SSX7: variants seen among roughly 807,000 people sequenced by gnomAD.
The protein encoded by SSX7 is SSX family member 7.
Under a neutral mutation model 14.7 loss-of-function variants are expected in SSX7, and 15 were observed. The ratio of observed to expected loss-of-function variants is 1.02; its 90% CI spans 0.68 to 1.58. The LOEUF (loss-of-function observed/expected upper bound fraction) is 1.58, where lower values mean the gene tolerates loss of function less well. Among genes scored for constraint, SSX7 ranks in the 40% most tolerant of loss-of-function variants. The pLI, the probability that SSX7 is intolerant of heterozygous loss-of-function variation, is 0.00. For missense variants in SSX7, 178 were observed against 146.8 expected, an observed-to-expected ratio of 1.21 and a Z score of -1.10; for synonymous variants, 46 against 50.6, an observed-to-expected ratio of 0.91 and a Z score of 0.38.
chrX:52,650,352 C>G lies in SSX7; in HGVS notation c.330+1G>C. ...GTCCTTTAGATCTGAGAGACACTCA[C>G]CTTCGGGAAGATTCTCTGGAGCCTG... On this transcript the variant is annotated splice_donor_variant, in intron 5 of 7. Coordinates refer to ENST00000298181, the MANE Select transcript of SSX7 (RefSeq NM_173358.2). LOFTEE classifies it high-confidence loss of function. 8.3e-7 allele frequency: 1 copy of G among 1,209,822 alleles called. No individual in the cohort carries two copies. The highest frequency in any genetic ancestry group is 1.1e-6 in the Non-Finnish European group (1 of 893,941).
chrX:52,648,494 G>A (rs1925323717), intron 5 of SSX7, 98 bp from the exon 6 acceptor site: 2 of 1,117,188 alleles, frequency 1.8e-6, no homozygotes, highest in Admixed American at 5.1e-5. Flanking sequence ...CTTAATCAAT[G>A]TTCTCAACAA....
At chrX:52,649,306 G>A (rs1556766730) in intron 5 of SSX7, among the ~76,000 whole-genome samples, 1 of 111,709 alleles carries the variant, frequency 9.0e-6, no homozygotes, top group Admixed American at 9.5e-5. Flanking sequence ...TGGGATTACA[G>A]TCGCTAGCCA....
chrX:52,646,073 A>G (rs1215816608), intron 6 of SSX7, among the ~76,000 whole-genome samples: 1 of 110,292 alleles, frequency 9.1e-6, no homozygotes, highest in Non-Finnish European at 1.9e-5. Flanking sequence ...ATTTTATTTT[A>G]TTTTGTTTGA....
At chrX:52,648,890 A>G (rs1925336278) in intron 5 of SSX7, among the ~76,000 whole-genome samples, 1 of 111,724 alleles carries the variant, frequency 9.0e-6, no homozygotes, top group Admixed American at 9.5e-5. Flanking sequence ...AAATTAATCT[A>G]GGCAGCGAAG....
intron 6 of SSX7, among the ~76,000 whole-genome samples, chrX:52,647,824 A>C (rs782625334): frequency 1.8e-5 from 2 of 112,157 alleles, no homozygotes; most frequent in Admixed American, 1.9e-4. Context: ...ACATTATTGC[A>C]GTGGTCTGGA....
Position 52,652,851 on chromosome X carries a change from A to T in SSX7, c.184+19T>A, listed in dbSNP as rs782495775. Reference sequence around the variant, plus strand: ...CTCATGTGTCCCCAGACTTGTCTGTACCTAGAACTTTCTGTTACCTAGTTT... The same window carrying T: ...CTCATGTGTCCCCAGACTTGTCTGTTCCTAGAACTTTCTGTTACCTAGTTT... On this transcript the variant is annotated intron_variant, in intron 3 of 7. Transcript: ENST00000298181. 2 of 1,156,604 alleles carry T rather than the reference A, an allele frequency of 1.7e-6. No homozygotes were observed. The highest frequency in any genetic ancestry group is 2.2e-5 in the Admixed American group (1 of 45,424).
chrX:52,650,311 G>T, intron 5 of SSX7, 42 bp downstream of exon 5: 1 of 1,195,590 alleles, frequency 8.4e-7, no homozygotes, highest in Non-Finnish European at 1.1e-6. Flanking sequence ...ATCCATGGAG[G>T]GACAAAGGTT....
intron 4 of SSX7, 128 bp downstream of exon 4, chrX:52,652,122 AAT>A: frequency 3.9e-6 from 2 of 509,031 alleles, no homozygotes; most frequent in Non-Finnish European, 6.7e-6. Context: ...TTCTGCATGC[AAT>A]TTTTTTTTTT....
intron 6 of SSX7, among the ~76,000 whole-genome samples, chrX:52,647,724 T>C (rs1569172465): frequency 9.0e-6 from 1 of 111,695 alleles, no homozygotes; most frequent in Non-Finnish European, 1.9e-5. Context: ...TTTTTAGACA[T>C]AATGCTATTG....
chrX:52,646,174 C>T (rs1244843180), intron 6 of SSX7, among the ~76,000 whole-genome samples: 1 of 111,907 alleles, frequency 8.9e-6, no homozygotes, highest in Non-Finnish European at 1.9e-5. Flanking sequence ...AGCGATTCTC[C>T]TGCCTCAGCC....
In SSX7 at chrX:52,644,392, G is replaced by T; in HGVS notation, c.*283C>A. 2.5e-6 allele frequency: 1 copy of T among 396,165 alleles called. No homozygotes were observed. Among genetic ancestry groups the T allele is most frequent in the Non-Finnish European group, 4.3e-6 (1 of 232,234 alleles). The allele number at this position is 396,165 out of a possible 1,213,427, so 32.6% of individuals were successfully genotyped here. A position where few individuals can be genotyped will look rare whatever the true frequency, so the allele number is the denominator to read the frequency against. ...TGACTATACTTGCTTTCTGAGGTAG[G>T]TGCATGGATACACAAACCGAAATAC... On this transcript the variant is annotated 3_prime_UTR_variant, in exon 8 of 8. Coordinates refer to ENST00000298181, the MANE Select transcript of SSX7 (RefSeq NM_173358.2).
rs373226565 is a variant in SSX7, at chrX:52,648,358, C to T, written c.369G>A (p.Ser123=). ...PKKPAEEGND[S]KGVPEASGSQ... ...AGCCAGATGCTTCTGGCACTCCCTTCGAATCATTTCCTTCCTCTGCTGGCT... is the reference window on the plus strand; with the variant it reads ...AGCCAGATGCTTCTGGCACTCCCTTTGAATCATTTCCTTCCTCTGCTGGCT... Residue 123 remains serine (S), a synonymous_variant, in exon 6 of 8, where the codon TCG becomes TCA. Coordinates refer to ENST00000298181, the MANE Select transcript of SSX7 (RefSeq NM_173358.2). 364 of 1,210,137 alleles carry T rather than the reference C, an allele frequency of 3.0e-4. No homozygotes were observed. Among genetic ancestry groups the T allele is most frequent in the Non-Finnish European group, 4.0e-4 (356 of 895,283 alleles).
At chrX:52,645,266 G>A (rs1925201321) in intron 7 of SSX7, among the ~76,000 whole-genome samples, 173 bp downstream of exon 7, 1 of 99,005 alleles carries the variant, frequency 1.0e-5, no homozygotes, top group Non-Finnish European at 2.0e-5. Flanking sequence ...GGGCGAATCC[G>A]TCAAAAAAAA....
intron 7 of SSX7, among the ~76,000 whole-genome samples, chrX:52,644,943 A>G (rs1370946528): frequency 4.5e-5 from 5 of 110,991 alleles, no homozygotes; most frequent in Non-Finnish European, 9.4e-5. Flanking sequence ...CTGGGTAGGG[A>G]GCATTCCTGG....
At position 52,652,280 on chromosome X, in the gene SSX7, A is replaced by C. The variant is rs782771584; in HGVS notation, c.252T>G (p.Phe84Leu). ...TGATDLQGND[F>L]DNDRNQGNQV... ...GATTCCCTTGGTTACGGTCATTATC[A>C]AAATCATTCCCCTGGAGGTCTGTGG... is the stretch of plus-strand genomic sequence containing the variant. The change falls in exon 4 of 8, where the codon TTT becomes TTG. Residue 84 changes from phenylalanine (F) to leucine (L), a missense_variant. Transcript: ENST00000298181. 2.3e-5 allele frequency: 28 copies of C among 1,206,766 alleles called. No homozygotes were observed. Among genetic ancestry groups the C allele is most frequent in the South Asian group, 8.8e-5 (5 of 56,588 alleles).
chrX:52,654,257 AACACACAC>A (rs782506103), intron 1 of SSX7, among the ~76,000 whole-genome samples: 2 of 106,806 alleles, frequency 1.9e-5, no homozygotes, highest in South Asian at 8.3e-4. Context: ...ACAACAACAA[AACACACAC>A]ACACACACAC....
intron 5 of SSX7, among the ~76,000 whole-genome samples, chrX:52,649,443 A>G (rs1210041048): frequency 1.8e-5 from 2 of 112,243 alleles, no homozygotes; most frequent in African/African-American, 6.5e-5. Flanking sequence ...TGCAGTAATA[A>G]TAACAATTAA....
chrX:52,652,137 C>A, intron 4 of SSX7, 115 bp downstream of exon 4: 28 of 455,610 alleles, frequency 6.1e-5, no homozygotes, highest in Admixed American at 1.3e-4. Flanking sequence ...TTTTTTTTTT[C>A]ACTCAGCCCT....
At chrX:52,652,222 A>T in intron 4 of SSX7, 30 bp downstream of exon 4, 1 of 1,109,438 alleles carries the variant, frequency 9.0e-7, no homozygotes, top group Non-Finnish European at 1.2e-6. Context: ...GCTTGAGGAG[A>T]CCCTTTCCAG....
Sources: allele counts gnomAD v4.1 joint callset (sites outside exome capture counted in the v4.1 genomes callset), GRCh38; gene constraint gnomAD v4.1.1; transcripts MANE v1.5; gene names NCBI Gene and HGNC (gene_info 2026-07-23, HGNC 2026-07-21).